The following ERC2 variants were observed in gnomAD, a reference collection of about 807,000 sequenced individuals.
ERC2 encodes the protein ERC protein 2.
In ERC2, 42 loss-of-function variants were observed where a neutral mutation model predicts 114.8. The ratio of observed to expected loss-of-function variants is 0.37; its 90% CI spans 0.29 to 0.47. The LOEUF is 0.47. Among genes scored for constraint, ERC2 ranks in the 20% least tolerant of loss-of-function variants. The probability of loss-of-function intolerance (pLI) is 0.99; values close to 1 mark genes in which losing one functional copy is unlikely to be tolerated. For missense variants in ERC2, 939 were observed against 1,150.7 expected (o/e 0.82, Z 2.66); for synonymous variants, 454 against 425.5 (o/e 1.07, Z -0.82).
At chr3:55,824,039 A>C (rs1271151380) in intron 14 of ERC2, among the ~76,000 whole-genome samples, 3 of 152,170 alleles carry the variant, frequency 2.0e-5, no homozygotes, top group Non-Finnish European at 4.4e-5. Flanking sequence ...CTCTGTGCAC[A>C]TGTAACCCTG....
At position 56,367,945 on chromosome 3, in the gene ERC2, T is replaced by TAA. The variant is rs56372235; in HGVS notation, c.657+66404_657+66405dup. 1.1e-3 allele frequency among the ~76,000 whole-genome samples: 132 copies of TAA among 118,050 alleles called. 2 individuals are homozygous for TAA. The highest frequency in any genetic ancestry group is 4.0e-3 in the African/African-American group (124 of 31,330). 77.4% of individuals were successfully genotyped at this position (118,050 alleles called of 152,430 possible). A position where few individuals can be genotyped will look rare whatever the true frequency, so the allele number is the denominator to read the frequency against. ...GCCCAGGAGAGACTCCATCTCTCTT[T>TAA]AAAAAAAAAAAAAAAAAAAAAGTGT... On this transcript the variant is annotated intron_variant, in intron 2 of 17. Transcript: ENST00000288221.
chr3:55,965,327 T>C (rs1276086082), intron 12 of ERC2, among the ~76,000 whole-genome samples: 4 of 152,258 alleles, frequency 2.6e-5, no homozygotes, highest in African/African-American at 2.4e-5. Context: ...ACATTTAAAA[T>C]GCAGCCCATG....
chr3:55,898,300 G>C (rs954200169), intron 13 of ERC2, among the ~76,000 whole-genome samples: 9 of 152,178 alleles, frequency 5.9e-5, no homozygotes, highest in African/African-American at 1.9e-4. Flanking sequence ...GGTATATCTC[G>C]AGCAGCTGGG....
chr3:55,837,246 AT>A (rs1377446831), intron 14 of ERC2, among the ~76,000 whole-genome samples: 1 of 152,194 alleles, frequency 6.6e-6, no homozygotes, highest in East Asian at 1.9e-4. Context: ...CAGCCATCCC[AT>A]TACTGGGTAT....
At chr3:55,927,474 C>T (rs1576230489) in intron 13 of ERC2, among the ~76,000 whole-genome samples, 1 of 152,008 alleles carries the variant, frequency 6.6e-6, no homozygotes, top group African/African-American at 2.4e-5. Flanking sequence ...TTTGTGGGTG[C>T]ACAGATGTAT....
intron 16 of ERC2, among the ~76,000 whole-genome samples, chr3:55,687,862 A>C (rs1326341103): frequency 2.0e-5 from 3 of 152,236 alleles, no homozygotes; most frequent in African/African-American, 7.2e-5. Context: ...AAAAACAGAC[A>C]CATCTGTAAA....
chr3:55,874,972 C>T (rs2062757699), intron 14 of ERC2, among the ~76,000 whole-genome samples: 1 of 152,096 alleles, frequency 6.6e-6, no homozygotes, highest in African/African-American at 2.4e-5. Flanking sequence ...ATTTTTTTCT[C>T]TTCCACCTCT....
intron 3 of ERC2, among the ~76,000 whole-genome samples, chr3:56,197,378 T>C (rs1236652811): frequency 2.0e-5 from 3 of 152,220 alleles, no homozygotes; most frequent in African/African-American, 7.2e-5. Flanking sequence ...ACGCCTACCA[T>C]AGCAAACACT....
intron 14 of ERC2, among the ~76,000 whole-genome samples, chr3:55,838,101 A>G (rs75583136): frequency 1.3e-5 from 2 of 152,060 alleles, no homozygotes; most frequent in Non-Finnish European, 2.9e-5. Context: ...TGAAAAAAAA[A>G]CATTATTTTA....
At chr3:55,799,412 TTATATATATGCA>T (rs1336613094) in intron 14 of ERC2, among the ~76,000 whole-genome samples, 1 of 107,070 alleles carries the variant, frequency 9.3e-6, no homozygotes, top group Non-Finnish European at 1.8e-5. Flanking sequence ...TATATATGCC[TTATATATATGCA>T]TATATATATG....
At chr3:56,340,524 G>C (rs2058043831) in intron 2 of ERC2, among the ~76,000 whole-genome samples, 1 of 128,186 alleles carries the variant, frequency 7.8e-6, no homozygotes, top group Non-Finnish European at 1.6e-5. Flanking sequence ...TTGTGTGTGA[G>C]AGAGAGAGAG....
chr3:56,425,131 T>A (rs112789324), intron 2 of ERC2, among the ~76,000 whole-genome samples: 1,963 of 152,198 alleles, frequency 0.013, 24 homozygotes, highest in South Asian at 0.039. Flanking sequence ...GAACTGCTCC[T>A]CTCTCAACAC....
intron 2 of ERC2, among the ~76,000 whole-genome samples, chr3:56,387,581 A>C (rs1266649139): frequency 1.3e-5 from 2 of 152,186 alleles, no homozygotes; most frequent in Non-Finnish European, 2.9e-5. Flanking sequence ...GTTCACCATG[A>C]CAACACTGTC....
intron 17 of ERC2, among the ~76,000 whole-genome samples, chr3:55,625,743 T>C (rs2059497776): frequency 6.6e-6 from 1 of 151,958 alleles, no homozygotes; most frequent in Non-Finnish European, 1.5e-5. Context: ...AGAGCGAGAC[T>C]CCGTCTCAAA....
chr3:55,965,252 A>G (rs2068666182), intron 12 of ERC2, among the ~76,000 whole-genome samples: 1 of 152,234 alleles, frequency 6.6e-6, no homozygotes, highest in South Asian at 2.1e-4. Flanking sequence ...ACTTTCTGCA[A>G]TTATGGAAAT....
At chr3:55,515,767 G>A (rs929581366) in intron 17 of ERC2, among the ~76,000 whole-genome samples, 15 of 152,154 alleles carry the variant, frequency 9.9e-5, no homozygotes, top group Middle Eastern at 3.4e-3. Flanking sequence ...GCCCCAGGGA[G>A]AGCAGGCTAT....
intron 2 of ERC2, among the ~76,000 whole-genome samples, chr3:56,408,782 G>A (rs919904847): frequency 1.3e-5 from 2 of 152,242 alleles, no homozygotes; most frequent in Non-Finnish European, 2.9e-5. Context: ...GGCTCCCCGA[G>A]TGGGTGCCAT....
At chr3:55,720,136 CT>C (rs2064395016) in intron 15 of ERC2, among the ~76,000 whole-genome samples, 1 of 3,098 alleles carries the variant, frequency 3.2e-4, no homozygotes, top group Non-Finnish European at 6.5e-4. Flanking sequence ...TCTTCCTCTT[CT>C]TCTTCCTCTT....
chr3:56,396,481 G>C (rs2060310372), intron 2 of ERC2, among the ~76,000 whole-genome samples: 1 of 152,118 alleles, frequency 6.6e-6, no homozygotes, highest in East Asian at 1.9e-4. Flanking sequence ...GAGGTGGTTT[G>C]ACATGTGCTC....
Sources: gnomAD v4.1 joint callset for allele counts (sites outside exome capture counted in the v4.1 genomes callset) on GRCh38, gnomAD v4.1.1 for gene constraint, MANE v1.5 for transcripts, NCBI Gene and HGNC (gene_info 2026-07-23, HGNC 2026-07-21) for gene names.